RAB3C: variants seen among roughly 807,000 people sequenced by gnomAD.
RAB3C encodes the protein ras-related protein Rab-3C.
Under a neutral mutation model 26.4 loss-of-function variants are expected in RAB3C, and 17 were observed. That is an observed-to-expected ratio of 0.64 (90% CI 0.44 to 0.97). The LOEUF (loss-of-function observed/expected upper bound fraction) is 0.97. Among genes scored for constraint, RAB3C ranks in the 50% least tolerant of loss-of-function variants. The pLI is 0.00. For missense variants in RAB3C, 242 were observed against 281.9 expected, an observed-to-expected ratio of 0.86 and a Z score of 1.01; for synonymous variants, 91 against 95.9, an observed-to-expected ratio of 0.95 and a Z score of 0.30.
intron 2 of RAB3C, among the ~76,000 whole-genome samples, chr5:58,659,276 C>A (rs1157957763): frequency 6.6e-6 from 1 of 152,016 alleles, no homozygotes; most frequent in Non-Finnish European, 1.5e-5. Context: ...GTTTTTATTT[C>A]AAATTTTAAA....
At chr5:58,759,637 A>T (rs1337414645) in intron 3 of RAB3C, among the ~76,000 whole-genome samples, 2 of 152,228 alleles carry the variant, frequency 1.3e-5, no homozygotes, top group Non-Finnish European at 2.9e-5. Context: ...TACATATTAG[A>T]AAGGAGGATG....
At chr5:58,657,521 A>G (rs1253030482) in intron 2 of RAB3C, among the ~76,000 whole-genome samples, 2 of 152,196 alleles carry the variant, frequency 1.3e-5, no homozygotes, top group Non-Finnish European at 2.9e-5. Flanking sequence ...CAGCAGTACA[A>G]TAGCTCTTAG....
intron 2 of RAB3C, among the ~76,000 whole-genome samples, chr5:58,713,749 T>C (rs950113087): frequency 2.0e-5 from 3 of 152,204 alleles, no homozygotes; most frequent in Admixed American, 1.3e-4. Flanking sequence ...AAACAGGTGC[T>C]AGAGGACTTT....
At chr5:58,743,946 T>C (rs1029672084) in intron 3 of RAB3C, among the ~76,000 whole-genome samples, 13 of 152,226 alleles carry the variant, frequency 8.5e-5, no homozygotes, top group Admixed American at 5.9e-4. Context: ...TTCAGAACTA[T>C]TTTCTTATGC....
intron 1 of RAB3C, among the ~76,000 whole-genome samples, chr5:58,597,822 C>A (rs111217311): frequency 4.0e-5 from 1 of 25,280 alleles, no homozygotes; most frequent in Non-Finnish European, 9.2e-5. Context: ...TATAAGTATA[C>A]GATAACATGT....
chr5:58,738,493 T>A (rs1052536685), intron 3 of RAB3C, among the ~76,000 whole-genome samples: 1 of 152,018 alleles, frequency 6.6e-6, no homozygotes, highest in Non-Finnish European at 1.5e-5. Context: ...GCTGATTATG[T>A]GTACAGAAGG....
chr5:58,718,732 T>G (rs1442662468), intron 2 of RAB3C, among the ~76,000 whole-genome samples: 1 of 152,060 alleles, frequency 6.6e-6, no homozygotes, highest in Non-Finnish European at 1.5e-5. Flanking sequence ...ATTAGTACTC[T>G]TCTAAAATGT....
At chr5:58,835,385 A>G (rs1456678321) in intron 4 of RAB3C, among the ~76,000 whole-genome samples, 1 of 152,200 alleles carries the variant, frequency 6.6e-6, no homozygotes, top group African/African-American at 2.4e-5. Flanking sequence ...TGATTCTGAC[A>G]GCTCCAAGGG....
intron 2 of RAB3C, among the ~76,000 whole-genome samples, chr5:58,668,352 G>A (rs1561283796): frequency 6.6e-6 from 1 of 152,128 alleles, no homozygotes; most frequent in Admixed American, 6.6e-5. Context: ...TTAAATATGA[G>A]GGTGGGAGGT....
At chr5:58,612,487 GGTGTGTGT>G (rs372157686) in intron 1 of RAB3C, among the ~76,000 whole-genome samples, 26 of 113,034 alleles carry the variant, frequency 2.3e-4, no homozygotes, top group Middle Eastern at 4.4e-3. Flanking sequence ...TGTGTTCCTA[GGTGTGTGT>G]GTGTGTGTGT....
At chr5:58,832,474 A>G (rs1743634075) in intron 4 of RAB3C, among the ~76,000 whole-genome samples, 1 of 152,198 alleles carries the variant, frequency 6.6e-6, no homozygotes, top group Non-Finnish European at 1.5e-5. Flanking sequence ...TCATTTATTC[A>G]GTATTATTGA....
intron 3 of RAB3C, among the ~76,000 whole-genome samples, chr5:58,760,134 A>C (rs1741767435): frequency 6.6e-6 from 1 of 152,200 alleles, no homozygotes; most frequent in Admixed American, 6.5e-5. Flanking sequence ...TCACTAGATC[A>C]TGATGGGTAT....
At chr5:58,790,676 T>C (rs2112013575) in intron 3 of RAB3C, among the ~76,000 whole-genome samples, 1 of 152,290 alleles carries the variant, frequency 6.6e-6, no homozygotes, top group East Asian at 1.9e-4. Flanking sequence ...GGTATTGCAC[T>C]TTTTCAGAGG....
intron 2 of RAB3C, among the ~76,000 whole-genome samples, chr5:58,724,189 C>T (rs917773931): frequency 6.6e-6 from 1 of 151,578 alleles, no homozygotes; most frequent in Non-Finnish European, 1.5e-5. Flanking sequence ...AAAGCTAGTA[C>T]TTGCCATTTA....
At chr5:58,829,141 G>A (rs967949401) in intron 4 of RAB3C, among the ~76,000 whole-genome samples, 1 of 151,962 alleles carries the variant, frequency 6.6e-6, no homozygotes, top group African/African-American at 2.4e-5. Context: ...CTAACCCCAT[G>A]ATCTGCCCAC....
At position 58,596,617 on chromosome 5, in the gene RAB3C, A is replaced by ATAC. The variant is rs1491345632; in HGVS notation, c.24+13387_24+13388insCTA. Among the ~76,000 whole-genome samples the ATAC allele has an allele frequency of 2.8e-4, 32 of 113,700 alleles. 10 individuals are homozygous for ATAC. Among genetic ancestry groups the ATAC allele is most frequent in the African/African-American group, 1.2e-3 (32 of 27,146 alleles). The allele number at this position is 113,700 out of a possible 152,430, so 74.6% of individuals were successfully genotyped here. A position where few individuals can be genotyped will look rare whatever the true frequency, so the allele number is the denominator to read the frequency against. ...ATAATATATTATATATAAATATATA[A>ATAC]TATATAATACATAATATATAAATAT... On this transcript the variant is annotated intron_variant, in intron 1 of 4. Coordinates refer to ENST00000282878, the MANE Select transcript of RAB3C (RefSeq NM_138453.4).
rs1744243675 is a variant in RAB3C at position 58,855,743 on chromosome 5, G to C, written c.*4392G>C. The C allele has an allele frequency of 6.6e-6, 1 of 152,080 alleles. No individual in the cohort carries two copies. The highest frequency in any genetic ancestry group is 1.5e-5 in the Non-Finnish European group (1 of 68,020). The allele number at this position is 152,080 out of a possible 1,614,324, so 9.4% of individuals were successfully genotyped here. A position where few individuals can be genotyped will look rare whatever the true frequency, so the allele number is the denominator to read the frequency against. On this transcript the variant is annotated 3_prime_UTR_variant, in exon 5 of 5. Transcript: ENST00000282878. Reference sequence around the variant, plus strand: ...CCTGTTTTATATCATGGAATTTACTGGGCCAAATTAAGTAAAAGATGAAGT... The same window carrying C: ...CCTGTTTTATATCATGGAATTTACTCGGCCAAATTAAGTAAAAGATGAAGT...
At chr5:58,645,952 G>A (rs1032612297) in intron 2 of RAB3C, among the ~76,000 whole-genome samples, 1 of 152,178 alleles carries the variant, frequency 6.6e-6, no homozygotes, top group Admixed American at 6.5e-5. Context: ...AACAAATGTC[G>A]TTCACATTCA....
At chr5:58,715,737 G>A (rs1200785743) in intron 2 of RAB3C, among the ~76,000 whole-genome samples, 1 of 152,124 alleles carries the variant, frequency 6.6e-6, no homozygotes, top group African/African-American at 2.4e-5. Flanking sequence ...GTATCTGGTA[G>A]CATCATACAA....
Sources: allele counts gnomAD v4.1 joint callset (sites outside exome capture counted in the v4.1 genomes callset), GRCh38; gene constraint gnomAD v4.1.1; transcripts MANE v1.5; gene names NCBI Gene and HGNC (gene_info 2026-07-23, HGNC 2026-07-21).